The following DGKA variants were observed in gnomAD, a reference collection of about 807,000 sequenced individuals.
The protein encoded by DGKA is diacylglycerol kinase alpha.
Under a neutral mutation model 105.0 loss-of-function variants are expected in DGKA, and 35 were observed. The ratio of observed to expected loss-of-function variants is 0.33; its 90% CI spans 0.25 to 0.44. DGKA has a LOEUF of 0.44. Among genes scored for constraint, DGKA ranks in the 20% least tolerant of loss-of-function variants. The pLI is 1.00. For synonymous variants in DGKA, 296 were observed against 332.0 expected (o/e 0.89, Z 1.18); for missense variants, 665 against 915.0 (o/e 0.73, Z 3.53).
chr12:55,927,879 C>A, upstream of DGKA: 1 of 1,337,026 alleles, frequency 7.5e-7, no homozygotes, highest in East Asian at 2.6e-5. Flanking sequence ...CTCGCCCAGA[C>A]CTCCTAACCC....
upstream of DGKA, chr12:55,929,821 C>G (rs1257506738): frequency 1.3e-5 from 2 of 152,222 alleles, no homozygotes; most frequent in Non-Finnish European, 2.9e-5. Context: ...ACAAAGAAGT[C>G]TAGAGTAAGA....
chr12:55,928,276 C>A (rs1883236875), upstream of DGKA: 1 of 153,794 alleles, frequency 6.5e-6, no homozygotes, highest in African/African-American at 2.4e-5. Context: ...TGCTTATATC[C>A]CCACTTTGGC....
At chr12:55,936,242 T>A (rs1010636233) in intron 1 of DGKA, 181 bp from the exon 2 acceptor site, 4 of 666,720 alleles carry the variant, frequency 6.0e-6, no homozygotes, top group African/African-American at 1.8e-5. Flanking sequence ...ACAGACACTG[T>A]CAGGGAAGGT....
At chr12:55,936,741 G>T in intron 2 of DGKA, 174 bp downstream of exon 2, 3 of 1,010,884 alleles carry the variant, frequency 3.0e-6, no homozygotes, top group Non-Finnish European at 4.6e-6. Flanking sequence ...GTCAGAAAAA[G>T]ATCCGGATCT....
chr12:55,928,741 A>AT (rs1883249061), upstream of DGKA, among the ~76,000 whole-genome samples: 1 of 150,624 alleles, frequency 6.6e-6, no homozygotes, highest in Non-Finnish European at 1.5e-5. Context: ...TAGGACCTTT[A>AT]TAAGACAAAT....
chr12:55,932,265 A>G lies in DGKA; in HGVS notation c.-82+921A>G. 1 of 468,404 alleles carries G rather than the reference A, an allele frequency of 2.1e-6. No individual in the cohort carries two copies. The highest frequency in any genetic ancestry group is 3.9e-6 in the Non-Finnish European group (1 of 255,942). 29.0% of individuals were successfully genotyped at this position (468,404 alleles called of 1,614,324 possible). ...GTGACAGCTGGAGCGGGTATCGAGA[A>G]GGGTCTGCGCTGGGACGCGGGGGTG... On this transcript the variant is annotated intron_variant, in intron 1 of 23. Transcript: ENST00000331886. The surrounding 1 kb of genome is among the most constrained non-coding windows in gnomAD (Gnocchi z 4.3).
chr12:55,942,423 C>T, intron 17 of DGKA, 160 bp downstream of exon 17: 1 of 667,026 alleles, frequency 1.5e-6, no homozygotes, highest in South Asian at 1.8e-5. Context: ...AAGAAGAGAG[C>T]TTTGGAAGAA....
Position 55,941,953 on chromosome 12 carries a change from C to G in DGKA, c.1251-45C>G, listed in dbSNP as rs775776473. ...TGCCTGCTCAGGACTTGGGTAGCCT[C>G]AGTCCTGTTATCCTTCTTCATATTC... On this transcript the variant is annotated intron_variant, in intron 15 of 23. Transcript: ENST00000331886. The G allele has an allele frequency of 3.8e-6, 6 of 1,593,148 alleles. No homozygotes were observed. The Admixed American group carries it at 5.0e-5, about 13-fold the overall frequency.
At chr12:55,938,383 C>A in intron 5 of DGKA, 128 bp from the exon 6 acceptor site, 1 of 1,187,662 alleles carries the variant, frequency 8.4e-7, no homozygotes, top group Non-Finnish European at 1.2e-6. Context: ...CTCTCTCAGT[C>A]CCATCCCAGG....
intron 17 of DGKA, among the ~76,000 whole-genome samples, chr12:55,948,415 A>AG (rs1293959318): frequency 6.7e-6 from 1 of 149,940 alleles, no homozygotes; most frequent in African/African-American, 2.5e-5. Context: ...AAAAAAAAAA[A>AG]GGTATTTTCT....
upstream of DGKA, chr12:55,927,730 T>TC: frequency 6.5e-7 from 1 of 1,539,968 alleles, no homozygotes; most frequent in Non-Finnish European, 8.7e-7. Context: ...GTCACCTGTC[T>TC]CCGTAGCCGC....
chr12:55,946,417 C>T (rs1428787664), intron 17 of DGKA, among the ~76,000 whole-genome samples: 2 of 152,226 alleles, frequency 1.3e-5, no homozygotes, highest in South Asian at 2.1e-4. Flanking sequence ...AGTGCAGTGG[C>T]GCGATCTCAG....
rs567780593 is a variant in DGKA, at chr12:55,937,408, G to T, written c.139G>T (p.Ala47Ser). Residue 47 changes from alanine (A) to serine (S), a missense_variant and splice_region_variant, in exon 4 of 24, where the codon GCC (alanine) becomes TCC (serine). By Grantham distance (99) the Ala-to-Ser change is moderately conservative (BLOSUM62 1). Transcript: ENST00000331886. ...AGGATAATGCTCACTCTCATTATAG[G>T]CCATTGGGTACGAGGGATTCCAGCA... is the stretch of plus-strand genomic sequence containing the variant. Reference protein sequence around the residue: ...GEMAKYVQGDAIGYEGFQQFL... With the variant: ...GEMAKYVQGDSIGYEGFQQFL... The T allele has an allele frequency of 2.5e-6, 4 of 1,613,704 alleles. No homozygotes were observed. Among genetic ancestry groups the T allele is most frequent in the African/African-American group, 1.3e-5 (1 of 75,010 alleles).
Position 55,953,952 on chromosome 12 carries a change from C to G in DGKA, c.*184C>G. ...CCCCATGCGCACACACATACACACA[C>G]CCCAAAACACATACATTGAAAGTGC... On this transcript the variant is annotated 3_prime_UTR_variant, in exon 24 of 24. Coordinates refer to ENST00000331886, the MANE Select transcript of DGKA (RefSeq NM_001345.5). The G allele has an allele frequency of 1.6e-6, 1 of 637,006 alleles. No individual in the cohort carries two copies. Among genetic ancestry groups the G allele is most frequent in the Non-Finnish European group, 2.7e-6 (1 of 369,392 alleles). The allele number at this position is 637,006 out of a possible 1,614,324, so 39.5% of individuals were successfully genotyped here.
rs1484811732 is a variant in DGKA, at chr12:55,952,767, T to C, written c.1777T>C (p.Ser593Pro). 2 of 1,614,102 alleles carry C rather than the reference T, an allele frequency of 1.2e-6. No homozygotes were observed. The highest frequency in any genetic ancestry group is 1.7e-5 in the Admixed American group (1 of 60,020). ...CGKPLDLSNL[S>P]LEGIAVLNIP... is the part of the protein sequence containing the mutation. Reference sequence around the variant, plus strand: ...GAAACCGCTGGATCTGAGCAACCTGTCCCTAGAAGGCATCGCAGTGCTAAA... The same window carrying C: ...GAAACCGCTGGATCTGAGCAACCTGCCCCTAGAAGGCATCGCAGTGCTAAA... Residue 593 changes from serine (S) to proline (P), a missense_variant, in exon 21 of 24, where the codon TCC (serine) becomes CCC (proline). Transcript: ENST00000331886. This position sits in a 1 kb window ranked among gnomAD's most constrained non-coding sequence, Gnocchi z 5.1.
chr12:55,939,961 C>A (rs894657844), intron 9 of DGKA, 121 bp from the exon 10 acceptor site: 2 of 931,010 alleles, frequency 2.1e-6, no homozygotes, highest in East Asian at 2.4e-5. Context: ...TCACCCCGAA[C>A]TTTTATTCTG....
rs11829961 is a variant in DGKA, at chr12:55,942,099, G to A, written c.1336+16G>A. The stretch of plus-strand genomic sequence containing the variant: ...GAGACCATTGGTCAGTGCAGGGAGG[G>A]GCGTGGGGAAGGTATTGGGGTCGTA... On this transcript the variant is annotated intron_variant, in intron 16 of 23. Coordinates refer to ENST00000331886, the MANE Select transcript of DGKA (RefSeq NM_001345.5). 22,587 of 1,613,970 alleles carry A rather than the reference G, an allele frequency of 0.014. 2,821 individuals carry two copies. In the African/African-American group the frequency reaches 0.27, roughly 19 times the overall value.
At chr12:55,938,315 T>C (rs1885179747) in intron 5 of DGKA, 196 bp from the exon 6 acceptor site, 8 of 744,522 alleles carry the variant, frequency 1.1e-5, no homozygotes, top group Non-Finnish European at 1.8e-5. Context: ...ATGTATTGTC[T>C]CCCCTGACAC....
chr12:55,934,142 C>G (rs1298227186), intron 1 of DGKA, among the ~76,000 whole-genome samples: 2 of 152,160 alleles, frequency 1.3e-5, no homozygotes, highest in African/African-American at 4.8e-5. Flanking sequence ...TAGGAAGGAG[C>G]AAGAAAGAGT....
Sources: gnomAD v4.1 joint callset for allele counts (sites outside exome capture counted in the v4.1 genomes callset) on GRCh38, gnomAD v4.1.1 for gene constraint, Gnocchi (gnomAD v3.1) non-coding constraint, MANE v1.5 for transcripts, NCBI Gene and HGNC (gene_info 2026-07-23, HGNC 2026-07-21) for gene names.